Variants in CCDC171 observed in about 807,000 individuals in gnomAD.
CCDC171 encodes the protein coiled-coil domain containing 171, also known as coiled-coil domain-containing protein 171.
Under a neutral mutation model 168.2 loss-of-function variants are expected in CCDC171, and 177 were observed. The ratio of observed to expected loss-of-function variants is 1.05; its 90% confidence interval spans 0.93 to 1.19. CCDC171 has a LOEUF of 1.19. Ranked by LOEUF, CCDC171 falls within the 50% of genes most tolerant of loss-of-function variation. The pLI is 0.00. For missense variants in CCDC171, 1,991 were observed against 1,539.0 expected (o/e 1.29, Z -4.91); for synonymous variants, 687 against 540.8 (o/e 1.27, Z -3.75).
intron 6 of CCDC171, among the ~76,000 whole-genome samples, chr9:16,030,540 A>C (rs1198256401): frequency 2.0e-5 from 3 of 152,230 alleles, no homozygotes; most frequent in Non-Finnish European, 4.4e-5. Context: ...TTAGATTGAG[A>C]ATATGAACAT....
At chr9:15,630,943 G>T (rs1397319449) in intron 7 of CCDC171, among the ~76,000 whole-genome samples, 11 of 152,064 alleles carry the variant, frequency 7.2e-5, no homozygotes, top group Non-Finnish European at 1.3e-4. Context: ...ACGAAATGAA[G>T]ACAGAAATAA....
At chr9:15,999,244 A>G (rs1444780095) in intron 3 of CCDC171, among the ~76,000 whole-genome samples, 1 of 151,286 alleles carries the variant, frequency 6.6e-6, no homozygotes, top group East Asian at 1.9e-4. Flanking sequence ...AGATAGAAAG[A>G]AAAGAAAGAA....
At position 15,784,805 on chromosome 9, in the gene CCDC171, A is replaced by T. The variant is rs557699999; in HGVS notation, c.3267+111A>T. 7 of 780,596 alleles carry T rather than the reference A, an allele frequency of 9.0e-6. No individual in the cohort carries two copies. In the South Asian group the frequency reaches 1.5e-4, roughly 16 times the overall value. 48.4% of individuals were successfully genotyped at this position (780,596 alleles called of 1,614,324 possible). ...AATAGATCCCAAGATGTAAAATTTT[A>T]TTCTATGAGGATAGAATGAAACATG... On this transcript the variant is annotated intron_variant, in intron 21 of 25. Transcript: ENST00000380701.
the CCDC171 span, among the ~76,000 whole-genome samples, chr9:16,081,090 C>G: frequency 3.9e-5 from 6 of 152,206 alleles, no homozygotes; most frequent in African/African-American, 1.4e-4. Flanking sequence ...CGGGCCACCT[C>G]TCCTACCCAA....
intron 3 of CCDC171, among the ~76,000 whole-genome samples, chr9:16,000,323 T>G (rs1055553759): frequency 1.3e-5 from 2 of 152,158 alleles, no homozygotes; most frequent in African/African-American, 4.8e-5. Context: ...GGGATTGACT[T>G]TTTTTGCTTG....
At chr9:15,688,749 A>G (rs2050584976) in intron 10 of CCDC171, among the ~76,000 whole-genome samples, 1 of 152,212 alleles carries the variant, frequency 6.6e-6, no homozygotes, top group African/African-American at 2.4e-5. Flanking sequence ...CTGACATTAC[A>G]TTTAATGGTA....
At chr9:16,033,677 C>T (rs1263123958) in intron 6 of CCDC171, among the ~76,000 whole-genome samples, 1 of 152,106 alleles carries the variant, frequency 6.6e-6, no homozygotes, top group Non-Finnish European at 1.5e-5. Flanking sequence ...ATCCCGAAAC[C>T]ATCCCCCTAC....
intron 8 of CCDC171, chr9:16,036,284 C>G (rs1833465945): frequency 6.6e-6 from 1 of 152,198 alleles, no homozygotes; most frequent in African/African-American, 2.4e-5. Flanking sequence ...ATGCTGAGAC[C>G]TACATTTTGT....
the CCDC171 span, among the ~76,000 whole-genome samples, chr9:16,105,688 C>G: frequency 1.3e-5 from 2 of 152,170 alleles, no homozygotes; most frequent in Non-Finnish European, 2.9e-5. Context: ...ACTTTGACTT[C>G]AAGTTTAGGA....
At chr9:15,764,229 T>G (rs2056603439) in intron 18 of CCDC171, among the ~76,000 whole-genome samples, 1 of 152,190 alleles carries the variant, frequency 6.6e-6, no homozygotes, top group South Asian at 2.1e-4. Context: ...GGTAAGAACT[T>G]TAGATTTTAT....
At chr9:15,707,240 T>G (rs1314609701) in intron 11 of CCDC171, among the ~76,000 whole-genome samples, 1 of 152,246 alleles carries the variant, frequency 6.6e-6, no homozygotes, top group Non-Finnish European at 1.5e-5. Flanking sequence ...TTTCAGTTTA[T>G]GAAATCCAAG....
At chr9:15,560,290 G>A (rs536308751) in intron 1 of CCDC171, among the ~76,000 whole-genome samples, 1 of 152,084 alleles carries the variant, frequency 6.6e-6, no homozygotes, top group Non-Finnish European at 1.5e-5. Flanking sequence ...ACTAGGTTGG[G>A]GAAGCTCTCC....
chr9:15,637,636 C>G (rs1418161895), intron 7 of CCDC171, among the ~76,000 whole-genome samples: 1 of 112,804 alleles, frequency 8.9e-6, no homozygotes, highest in Non-Finnish European at 1.7e-5. Context: ...CACCCCACAA[C>G]AGTCCCCAGA....
chr9:15,653,355 T>G (rs1433834660), intron 7 of CCDC171, among the ~76,000 whole-genome samples: 1 of 152,084 alleles, frequency 6.6e-6, no homozygotes, highest in African/African-American at 2.4e-5. Flanking sequence ...TTGCCCAGGC[T>G]GGCCTTGGAC....
intron 25 of CCDC171, among the ~76,000 whole-genome samples, chr9:15,929,554 C>T (rs1826264442): frequency 6.6e-6 from 1 of 151,740 alleles, no homozygotes; most frequent in Non-Finnish European, 1.5e-5. Flanking sequence ...TCCACTTTCC[C>T]TCTACCACCA....
At chr9:15,884,727 T>C (rs1417900438) in intron 24 of CCDC171, among the ~76,000 whole-genome samples, 2 of 152,268 alleles carry the variant, frequency 1.3e-5, no homozygotes, top group Non-Finnish European at 2.9e-5. Context: ...AAGGTGACAG[T>C]GACGCCAGTC....
At chr9:15,664,254 T>C (rs1368136629) in intron 8 of CCDC171, among the ~76,000 whole-genome samples, 2 of 152,080 alleles carry the variant, frequency 1.3e-5, no homozygotes, top group Non-Finnish European at 2.9e-5. Context: ...TACACCTTAA[T>C]TTATTTATTT....
chr9:15,928,862 T>C (rs192802424), intron 25 of CCDC171, among the ~76,000 whole-genome samples: 1 of 151,808 alleles, frequency 6.6e-6, no homozygotes, highest in African/African-American at 2.4e-5. Context: ...GAGTTGTTTG[T>C]ATAGGAAACA....
At chr9:16,091,379 G>A in the CCDC171 span, among the ~76,000 whole-genome samples, 1 of 152,212 alleles carries the variant, frequency 6.6e-6, no homozygotes, top group Admixed American at 6.5e-5. Flanking sequence ...CCAAGAGGTG[G>A]AGCATGCCAG....
Sources: gnomAD v4.1 joint callset for allele counts (sites outside exome capture counted in the v4.1 genomes callset) on GRCh38, gnomAD v4.1.1 for gene constraint, MANE v1.5 for transcripts, NCBI Gene and HGNC (gene_info 2026-07-23, HGNC 2026-07-21) for gene names.